ROBO2: variants seen among roughly 807,000 people sequenced by gnomAD.
ROBO2 encodes the protein roundabout homolog 2.
ROBO2 carries 53 observed loss-of-function variants against 160.8 expected under a neutral mutation model. The observed-to-expected ratio is 0.33, with a 90% CI of 0.26 to 0.41. The LOEUF (loss-of-function observed/expected upper bound fraction) is 0.41. ROBO2 is among the 10% of genes least tolerant of loss of function. ROBO2 has a pLI of 1.00. For missense variants in ROBO2, 1,577 were observed against 1,722.4 expected (o/e 0.92, Z 1.49); for synonymous variants, 664 against 611.7 (o/e 1.09, Z -1.26).
At chr3:75,976,133 A>C (rs886201769) in intron 2 of ROBO2, among the ~76,000 whole-genome samples, 1 of 151,630 alleles carries the variant, frequency 6.6e-6, no homozygotes, top group African/African-American at 2.4e-5. Flanking sequence ...CAGCAGAAGC[A>C]CAAGTTATAA....
intron 2 of ROBO2, among the ~76,000 whole-genome samples, chr3:75,960,135 G>A (rs1173842632): frequency 6.6e-6 from 1 of 151,692 alleles, no homozygotes; most frequent in Non-Finnish European, 1.5e-5. Context: ...TGGGGTCACT[G>A]ACTGGTTTGG....
intron 2 of ROBO2, among the ~76,000 whole-genome samples, chr3:77,398,416 C>T (rs2075483521): frequency 7.7e-6 from 1 of 130,352 alleles, no homozygotes; most frequent in Admixed American, 7.6e-5. Flanking sequence ...CAGAGAGATA[C>T]AATCAGAGAG....
intron 2 of ROBO2, among the ~76,000 whole-genome samples, chr3:76,252,727 T>C (rs1706091206): frequency 6.7e-6 from 1 of 149,944 alleles, no homozygotes; most frequent in Admixed American, 6.8e-5. Flanking sequence ...CACTCACATA[T>C]ATACATATAT....
At chr3:77,566,494 C>T (rs112235556) in intron 12 of ROBO2, among the ~76,000 whole-genome samples, 8 of 151,916 alleles carry the variant, frequency 5.3e-5, no homozygotes, top group Non-Finnish European at 1.0e-4. Context: ...TACAATTTTA[C>T]GTCAAGAAAT....
intron 2 of ROBO2, among the ~76,000 whole-genome samples, chr3:77,216,615 T>C (rs1007797808): frequency 1.3e-5 from 2 of 152,144 alleles, no homozygotes; most frequent in African/African-American, 4.8e-5. Context: ...CCCAGTGAGA[T>C]GAACCCGGTA....
intron 2 of ROBO2, among the ~76,000 whole-genome samples, chr3:76,265,916 T>A (rs1490312689): frequency 4.6e-5 from 7 of 152,112 alleles, no homozygotes; most frequent in Non-Finnish European, 1.0e-4. Flanking sequence ...GGTAGGTGAG[T>A]TTATGAAATG....
chr3:76,642,228 A>G (rs2090717077), intron 2 of ROBO2, among the ~76,000 whole-genome samples: 1 of 151,830 alleles, frequency 6.6e-6, no homozygotes, highest in Non-Finnish European at 1.5e-5. Context: ...CTTGCCCAAG[A>G]GCACCAAGTT....
At chr3:76,862,186 A>T (rs574751159) in intron 2 of ROBO2, among the ~76,000 whole-genome samples, 10 of 152,276 alleles carry the variant, frequency 6.6e-5, no homozygotes, top group African/African-American at 2.2e-4. Flanking sequence ...GCTTCTACAC[A>T]ATATACATTC....
At chr3:77,552,608 C>G in intron 8 of ROBO2, among the ~76,000 whole-genome samples, 1 of 152,010 alleles carries the variant, frequency 6.6e-6, no homozygotes, top group East Asian at 1.9e-4. Context: ...ACTGAGATTG[C>G]TCTAAACATT....
intron 2 of ROBO2, among the ~76,000 whole-genome samples, chr3:76,467,634 G>C (rs1003275236): frequency 2.6e-5 from 4 of 152,124 alleles, no homozygotes; most frequent in Non-Finnish European, 5.9e-5. Flanking sequence ...CCTGATAGCT[G>C]TAAGTTCTAT....
intron 2 of ROBO2, among the ~76,000 whole-genome samples, chr3:76,380,937 T>C (rs889268776): frequency 6.6e-6 from 1 of 151,834 alleles, no homozygotes; most frequent in African/African-American, 2.4e-5. Context: ...TTTTTGATAT[T>C]CTCCTGCAGG....
exon 19 of ROBO2, chr3:77,596,715 G>A (rs1195920941): frequency 1.9e-6 from 3 of 1,613,598 alleles, no homozygotes; most frequent in African/African-American, 2.7e-5. Flanking sequence ...AATAGCAACA[G>A]TGGCCCAAAT....
At chr3:76,615,858 T>A (rs2088540165) in intron 2 of ROBO2, among the ~76,000 whole-genome samples, 1 of 152,194 alleles carries the variant, frequency 6.6e-6, no homozygotes, top group Non-Finnish European at 1.5e-5. Context: ...GGGTATGCAA[T>A]TCAGTATTCC....
At chr3:77,225,539 A>G (rs535431763) in intron 2 of ROBO2, among the ~76,000 whole-genome samples, 1 of 151,962 alleles carries the variant, frequency 6.6e-6, no homozygotes, top group South Asian at 2.1e-4. Context: ...ATGTACCTGC[A>G]GCCGTGCATT....
intron 2 of ROBO2, among the ~76,000 whole-genome samples, chr3:76,889,030 G>T (rs566909002): frequency 1.3e-5 from 2 of 152,166 alleles, no homozygotes; most frequent in African/African-American, 4.8e-5. Flanking sequence ...TTCACACGAT[G>T]TACACACCAC....
intron 1 of ROBO2, chr3:75,937,407 G>A (rs1947832241): frequency 5.6e-6 from 4 of 714,752 alleles, no homozygotes; most frequent in Non-Finnish European, 8.4e-6. Context: ...ATTAGATATG[G>A]GATTTGAGTC....
chr3:77,245,241 A>G (rs1170218723), intron 2 of ROBO2, among the ~76,000 whole-genome samples: 1 of 152,202 alleles, frequency 6.6e-6, no homozygotes, highest in South Asian at 2.1e-4. Context: ...TTTGAGTGAC[A>G]TGGAGCCAAT....
chr3:76,187,366 C>T (rs1271262715), intron 2 of ROBO2, among the ~76,000 whole-genome samples: 1 of 152,042 alleles, frequency 6.6e-6, no homozygotes, highest in Non-Finnish European at 1.5e-5. Context: ...TCTTGACCTC[C>T]CAGGCTCAAG....
chr3:76,043,525 G>T (rs1450962887), intron 2 of ROBO2, among the ~76,000 whole-genome samples: 1 of 141,972 alleles, frequency 7.0e-6, no homozygotes, highest in East Asian at 2.1e-4. Flanking sequence ...GGCTGGAGAA[G>T]ACCTAACATT....
Sources: allele counts gnomAD v4.1 joint callset (sites outside exome capture counted in the v4.1 genomes callset), GRCh38; gene constraint gnomAD v4.1.1; transcripts MANE v1.5; gene names NCBI Gene and HGNC (gene_info 2026-07-23, HGNC 2026-07-21).